The following NALCN variants were observed in gnomAD, a reference collection of about 807,000 sequenced individuals.
NALCN encodes the protein sodium leak channel NALCN.
In NALCN, 111 loss-of-function variants were observed where a neutral mutation model predicts 225.3. The observed-to-expected ratio is 0.49, with a 90% CI of 0.42 to 0.58. NALCN has a LOEUF of 0.58. Ranked by LOEUF, NALCN falls within the 20% of genes least tolerant of loss-of-function variation. The pLI, the probability that NALCN is intolerant of heterozygous loss-of-function variation, is 0.00. For synonymous variants in NALCN, 764 were observed against 769.0 expected (o/e 0.99, Z 0.11); for missense variants, 1,378 against 2,202.4 (o/e 0.63, Z 7.49).
intron 7 of NALCN, among the ~76,000 whole-genome samples, chr13:101,293,002 T>C (rs1185991532): frequency 2.0e-5 from 3 of 152,232 alleles, no homozygotes; most frequent in Admixed American, 6.5e-5. Flanking sequence ...AATATGTGGA[T>C]AGATTTTTTA....
intron 11 of NALCN, among the ~76,000 whole-genome samples, chr13:101,256,273 T>C (rs1323024330): frequency 1.3e-5 from 2 of 152,160 alleles, no homozygotes; most frequent in African/African-American, 4.8e-5. Flanking sequence ...CCTTTAACCA[T>C]ATAGAGACCA....
At chr13:101,188,238 G>A (rs1179080190) in intron 14 of NALCN, among the ~76,000 whole-genome samples, 1 of 152,088 alleles carries the variant, frequency 6.6e-6, no homozygotes, top group Non-Finnish European at 1.5e-5. Flanking sequence ...TTCATGTGGA[G>A]TAAGATAAAA....
At chr13:101,129,933 T>C (rs1452180554) in intron 17 of NALCN, among the ~76,000 whole-genome samples, 3 of 150,912 alleles carry the variant, frequency 2.0e-5, no homozygotes, top group Non-Finnish European at 3.0e-5. Flanking sequence ...TATGTTCTCA[T>C]TGTTCAATTC....
chr13:101,328,937 T>A (rs528580866), intron 7 of NALCN, among the ~76,000 whole-genome samples: 2 of 152,300 alleles, frequency 1.3e-5, no homozygotes, highest in African/African-American at 4.8e-5. Flanking sequence ...GTGAATATAA[T>A]CATCACTGAG....
At chr13:101,381,951 T>C (rs956742615) in intron 3 of NALCN, among the ~76,000 whole-genome samples, 5 of 152,188 alleles carry the variant, frequency 3.3e-5, no homozygotes, top group Middle Eastern at 3.4e-3. Flanking sequence ...AAACGAAAAC[T>C]GAAATTTTAT....
At chr13:101,186,835 G>T (rs529515822) in intron 14 of NALCN, among the ~76,000 whole-genome samples, 4 of 152,184 alleles carry the variant, frequency 2.6e-5, no homozygotes, top group African/African-American at 9.6e-5. Context: ...GTAGAGATGA[G>T]CTAAAGACTT....
rs570887652 is a variant in NALCN at position 101,268,127 on chromosome 13, T to G, written c.1135-9553A>C. Among the ~76,000 whole-genome samples the G allele has an allele frequency of 1.2e-4, 19 of 152,298 alleles. 1 individual carries two copies. The South Asian group carries it at 3.9e-3, about 32-fold the overall frequency. Reference sequence around the variant, plus strand: ...GATGGAGGCATCAAAAATTCCACTTTCTGCAAACAAAATTTTGCAACGTGT... The same window carrying G: ...GATGGAGGCATCAAAAATTCCACTTGCTGCAAACAAAATTTTGCAACGTGT... On this transcript the variant is annotated intron_variant, in intron 10 of 43. Transcript: ENST00000251127.
At chr13:101,213,261 T>C (rs950680376) in intron 13 of NALCN, among the ~76,000 whole-genome samples, 3 of 152,316 alleles carry the variant, frequency 2.0e-5, no homozygotes, top group Admixed American at 2.0e-4. Context: ...AAGCTGAAAC[T>C]GGATCCCTTC....
At chr13:101,309,715 C>T (rs1206075784) in intron 7 of NALCN, among the ~76,000 whole-genome samples, 1 of 152,080 alleles carries the variant, frequency 6.6e-6, no homozygotes. Flanking sequence ...ACTTTGTATT[C>T]TTGACAAGAA....
rs750031720 is a variant in NALCN at position 101,111,122 on chromosome 13, T to A, written c.2294+3A>T. 71 of 1,603,546 alleles carry A rather than the reference T, an allele frequency of 4.4e-5. No homozygotes were observed. Among genetic ancestry groups the A allele is most frequent in the South Asian group, 2.1e-4 (19 of 90,438 alleles). On this transcript the variant is annotated splice_donor_region_variant and intron_variant, in intron 19 of 43. Transcript: ENST00000251127. ...CTGAAGCCCTGTCTTCCCAAGTATT[T>A]ACCTGCGCTCTTGGCGGATATGATG...
chr13:101,086,479 GT>G (rs1262597791), intron 30 of NALCN, among the ~76,000 whole-genome samples: 3 of 151,600 alleles, frequency 2.0e-5, no homozygotes, highest in South Asian at 2.1e-4. Context: ...AAATTGTAGA[GT>G]TTTTTTTGTT....
chr13:101,401,737 A>T (rs2047484404), intron 1 of NALCN, among the ~76,000 whole-genome samples: 1 of 152,188 alleles, frequency 6.6e-6, no homozygotes, highest in South Asian at 2.1e-4. Flanking sequence ...CCTTCACTTT[A>T]CCTGCTCCCA....
At chr13:101,173,072 T>G (rs1423378390) in intron 15 of NALCN, among the ~76,000 whole-genome samples, 1 of 152,228 alleles carries the variant, frequency 6.6e-6, no homozygotes, top group Admixed American at 6.5e-5. Context: ...AAGTGGCACC[T>G]TGAGTGGCGT....
At chr13:101,376,144 T>G (rs538885884) in intron 6 of NALCN, among the ~76,000 whole-genome samples, 1 of 152,120 alleles carries the variant, frequency 6.6e-6, no homozygotes, top group Non-Finnish European at 1.5e-5. Context: ...TAAATAATAA[T>G]AAAAATGAGC....
chr13:101,068,898 G>A, intron 37 of NALCN, 71 bp from the exon 38 acceptor site: 1 of 1,451,610 alleles, frequency 6.9e-7, no homozygotes, highest in Non-Finnish European at 9.1e-7. Context: ...GCTGACTATA[G>A]TTAATGAATA....
At chr13:101,057,640 C>T in intron 43 of NALCN, 1 of 385,638 alleles carries the variant, frequency 2.6e-6, no homozygotes, top group Non-Finnish European at 4.8e-6. Context: ...CCTTGAGGCA[C>T]ACAGAAAGCC....
intron 14 of NALCN, among the ~76,000 whole-genome samples, chr13:101,178,935 A>G (rs1334423558): frequency 2.0e-5 from 3 of 152,062 alleles, no homozygotes; most frequent in African/African-American, 7.2e-5. Context: ...TCTCTCCTCT[A>G]CCTTTAAGGA....
chr13:101,089,589 A>T lies in NALCN; in HGVS notation c.3489+74T>A. The T allele has an allele frequency of 7.2e-7, 1 of 1,396,400 alleles. No homozygotes were observed. Among genetic ancestry groups the T allele is most frequent in the Non-Finnish European group, 1.0e-6 (1 of 996,470 alleles). 86.5% of individuals were successfully genotyped at this position (1,396,400 alleles called of 1,614,324 possible). A position where few individuals can be genotyped will look rare whatever the true frequency, so the allele number is the denominator to read the frequency against. ...TTAAAGCGGCTTCACGCCGCGTGTG[A>T]AAAGAAACAAATAGCTCAAAGTGAG... On this transcript the variant is annotated intron_variant, in intron 30 of 43. Coordinates refer to ENST00000251127, the MANE Select transcript of NALCN (RefSeq NM_052867.4). This position sits in a 1 kb window ranked among gnomAD's most constrained non-coding sequence, Gnocchi z 4.7.
In NALCN at chr13:101,274,070, G is replaced by A. The variant is rs1017872549; in HGVS notation, c.1134+9863C>T. On this transcript the variant is annotated intron_variant, in intron 10 of 43. Transcript: ENST00000251127. ...ATGTAGACAACGAGCACCCTTACAC[G>A]TTTCTAGAAGGCATACAAAATAGCC... 5.3e-5 allele frequency among the ~76,000 whole-genome samples: 8 copies of A among 151,978 alleles called. No individual in the cohort carries two copies. The East Asian group carries it at 1.4e-3, about 26-fold the overall frequency.
Sources: gnomAD v4.1 joint callset for allele counts (sites outside exome capture counted in the v4.1 genomes callset) on GRCh38, gnomAD v4.1.1 for gene constraint, Gnocchi (gnomAD v3.1) non-coding constraint, MANE v1.5 for transcripts, NCBI Gene and HGNC (gene_info 2026-07-23, HGNC 2026-07-21) for gene names.